PCDHGA3: variants seen among roughly 807,000 people sequenced by gnomAD.
The protein encoded by PCDHGA3 is protocadherin gamma-A3.
PCDHGA3 carries 40 observed loss-of-function variants against 58.5 expected under a neutral mutation model. The observed-to-expected ratio is 0.68, with a 90% CI of 0.53 to 0.89. The LOEUF is 0.89. PCDHGA3 is among the 40% of genes least tolerant of loss of function. The probability of loss-of-function intolerance (pLI) is 0.00; values close to 1 mark genes in which losing one functional copy is unlikely to be tolerated. For synonymous variants in PCDHGA3, 530 were observed against 525.7 expected, an observed-to-expected ratio of 1.01 and a Z score of -0.11; for missense variants, 1,223 against 1,195.9, an observed-to-expected ratio of 1.02 and a Z score of -0.33.
chr5:141,411,079 T>C (rs1178503371), intron 1 of PCDHGA3: 2 of 154,384 alleles, frequency 1.3e-5, no homozygotes, highest in African/African-American at 2.4e-5. Flanking sequence ...CAGAAACTCC[T>C]GTCCTCGTGA....
At chr5:141,427,120 TC>T (rs1212765591) in intron 1 of PCDHGA3, 1 of 457,342 alleles carries the variant, frequency 2.2e-6, no homozygotes, top group African/African-American at 2.0e-5. Context: ...ACCTACTCTT[TC>T]AAATCCCTAC....
At chr5:141,386,334 G>A (rs1220929803) in intron 1 of PCDHGA3, among the ~76,000 whole-genome samples, 1 of 152,008 alleles carries the variant, frequency 6.6e-6, no homozygotes, top group Non-Finnish European at 1.5e-5. Context: ...ATCCAGAAGG[G>A]GTGGATGACA....
intron 1 of PCDHGA3, chr5:141,423,287 C>T: frequency 6.3e-7 from 1 of 1,586,406 alleles, no homozygotes; most frequent in South Asian, 1.1e-5. Flanking sequence ...AACTCTGAAA[C>T]CTCAGACCTC....
rs776120937 is a variant in PCDHGA3 at position 141,388,588 on chromosome 5, C to A, written c.2424+42131C>A. On this transcript the variant is annotated intron_variant, in intron 1 of 3. Transcript: ENST00000253812. ...CAGATACACGTTCTAGTGACTGATG[C>A]CAATGATAATGCTCCAGTGTTCAGT... The A allele has an allele frequency of 1.9e-6, 3 of 1,613,876 alleles. No individual in the cohort carries two copies. The South Asian group carries it at 3.3e-5, about 18-fold the overall frequency.
chr5:141,495,005 C>CG (rs2099758180), intron 2 of PCDHGA3, 140 bp downstream of exon 2: 6 of 1,522,802 alleles, frequency 3.9e-6, no homozygotes, highest in Admixed American at 2.0e-5. Context: ...TCTTGGTGTG[C>CG]GGGGGGCTGG....
rs757410882 is a variant in PCDHGA3 at position 141,421,504 on chromosome 5, C to T, written c.2425-73303C>T. 8 of 1,614,062 alleles carry T rather than the reference C, an allele frequency of 5.0e-6. No homozygotes were observed. The highest frequency in any genetic ancestry group is 3.3e-5 in the South Asian group (3 of 91,088). ...CTTGATCACGGCAGGCAGGATAGACCGGGAGGAGCTCTGTGAGACGGTGTC... is the reference window on the plus strand; with the variant it reads ...CTTGATCACGGCAGGCAGGATAGACTGGGAGGAGCTCTGTGAGACGGTGTC... On this transcript the variant is annotated intron_variant, in intron 1 of 3. Transcript: ENST00000253812.
intron 1 of PCDHGA3, chr5:141,388,934 A>G (rs1225337103): frequency 1.9e-6 from 3 of 1,613,896 alleles, no homozygotes; most frequent in Non-Finnish European, 2.5e-6. Context: ...TCCAGTCTCT[A>G]CCCAACCTAA....
At chr5:141,384,270 C>T in intron 1 of PCDHGA3, 1 of 1,613,890 alleles carries the variant, frequency 6.2e-7, no homozygotes, top group Non-Finnish European at 8.5e-7. Flanking sequence ...ACTCATCCTA[C>T]TCAGTCTACA....
chr5:141,401,189 A>G (rs2094126174), intron 1 of PCDHGA3, among the ~76,000 whole-genome samples: 1 of 152,144 alleles, frequency 6.6e-6, no homozygotes, highest in South Asian at 2.1e-4. Context: ...TAAAAATACA[A>G]AAATTAGCTG....
intron 1 of PCDHGA3, chr5:141,389,674 G>T (rs763404625): frequency 1.2e-6 from 2 of 1,612,448 alleles, no homozygotes; most frequent in Admixed American, 3.3e-5. Flanking sequence ...GCAGACTCAG[G>T]ACACAACGCC....
rs61612330 is a variant in PCDHGA3 at position 141,454,796 on chromosome 5, A to ATTTTTTTTTTTTTTTT, written c.2425-39997_2425-39982dup. Among the ~76,000 whole-genome samples the ATTTTTTTTTTTTTTTT allele has an allele frequency of 1.2e-3, 96 of 77,456 alleles. 8 individuals are homozygous for ATTTTTTTTTTTTTTTT. The highest frequency in any genetic ancestry group is 2.0e-3 in the South Asian group (4 of 1,960). 50.8% of individuals were successfully genotyped at this position (77,456 alleles called of 152,430 possible). A position where few individuals can be genotyped will look rare whatever the true frequency, so the allele number is the denominator to read the frequency against. ...AAGGAAATAATCCTCCATGGTTCTA[A>ATTTTTTTTTTTTTTTT]TTTTTTTTTTTTTTTTTTTTTTTTT... On this transcript the variant is annotated intron_variant, in intron 1 of 3. Coordinates refer to ENST00000253812, the MANE Select transcript of PCDHGA3 (RefSeq NM_018916.4).
intron 1 of PCDHGA3, chr5:141,433,247 G>A (rs1393219042): frequency 2.8e-6 from 4 of 1,447,840 alleles, no homozygotes; most frequent in Non-Finnish European, 3.8e-6. Context: ...AAGCTGGAAT[G>A]CAGCGGTACG....
intron 1 of PCDHGA3, chr5:141,361,811 C>T: frequency 1.2e-6 from 2 of 1,613,098 alleles, no homozygotes; most frequent in Non-Finnish European, 1.7e-6. Context: ...AATGACAATG[C>T]GCCACGGGTG....
rs550738928 is a variant in PCDHGA3 at position 141,352,537 on chromosome 5, A to G, written c.2424+6080A>G. On this transcript the variant is annotated intron_variant, in intron 1 of 3. Transcript: ENST00000253812. ...GTATTGCCTCTCATTCTGCAAAGAC[A>G]GAGTTTAATTCTCTCAACCTGACAC... 1.0e-4 allele frequency: 161 copies of G among 1,613,994 alleles called. No homozygotes were observed. In the African/African-American group the frequency reaches 1.9e-3, roughly 19 times the overall value.
chr5:141,374,457 A>C lies in PCDHGA3; in HGVS notation c.2424+28000A>C, dbSNP rs775796857. ...TATCCCGTGGAAGTGGAAATAGTGG[A>C]CATTAATGACAATACACCCCGATTC... On this transcript the variant is annotated intron_variant, in intron 1 of 3. Coordinates refer to ENST00000253812, the MANE Select transcript of PCDHGA3 (RefSeq NM_018916.4). The C allele has an allele frequency of 2.5e-6, 4 of 1,613,430 alleles. No homozygotes were observed. The South Asian group carries it at 4.4e-5, about 18-fold the overall frequency.
At chr5:141,398,893 C>G in intron 1 of PCDHGA3, 1 of 1,613,962 alleles carries the variant, frequency 6.2e-7, no homozygotes, top group Admixed American at 1.7e-5. Flanking sequence ...GGAAAACGTG[C>G]CACCAGGCAC....
At chr5:141,389,325 C>T (rs368804822) in intron 1 of PCDHGA3, 6 of 1,613,886 alleles carry the variant, frequency 3.7e-6, no homozygotes, top group Admixed American at 3.3e-5. Flanking sequence ...GGACTTGGGG[C>T]CCAACGGCCA....
At chr5:141,409,524 A>AT (rs1357085904) in intron 1 of PCDHGA3, 9 of 1,613,854 alleles carry the variant, frequency 5.6e-6, no homozygotes, top group Non-Finnish European at 6.8e-6. Context: ...ATCACCTTGT[A>AT]TGTCGCTGAC....
At chr5:141,484,054 G>A (rs1192214731) in intron 1 of PCDHGA3, among the ~76,000 whole-genome samples, 4 of 152,044 alleles carry the variant, frequency 2.6e-5, no homozygotes, top group African/African-American at 9.7e-5. Flanking sequence ...AGGTCCCCTG[G>A]GGCTAAGTGA....
Sources: allele counts gnomAD v4.1 joint callset (sites outside exome capture counted in the v4.1 genomes callset), GRCh38; gene constraint gnomAD v4.1.1; transcripts MANE v1.5; gene names NCBI Gene and HGNC (gene_info 2026-07-23, HGNC 2026-07-21).